SDK1: variants seen among roughly 807,000 people sequenced by gnomAD.
SDK1 encodes the protein protein sidekick-1.
SDK1 carries 157 observed loss-of-function variants against 245.5 expected under a neutral mutation model. The ratio of observed to expected loss-of-function variants is 0.64; its 90% CI spans 0.56 to 0.73. The LOEUF (loss-of-function observed/expected upper bound fraction) is 0.73, where lower values mean the gene tolerates loss of function less well. Ranked by LOEUF, SDK1 falls within the 30% of genes least tolerant of loss-of-function variation. SDK1 has a pLI of 0.00. For synonymous variants in SDK1, 1,647 were observed against 1,278.5 expected (o/e 1.29, Z -6.15); for missense variants, 3,583 against 3,002.3 (o/e 1.19, Z -4.52).
chr7:4,059,735 C>A (rs994241383), intron 19 of SDK1, among the ~76,000 whole-genome samples: 1 of 151,910 alleles, frequency 6.6e-6, no homozygotes, highest in South Asian at 2.1e-4. Flanking sequence ...AAAATTCGAT[C>A]GATATCTTCT....
At chr7:3,687,656 A>G (rs377252127) in intron 4 of SDK1, among the ~76,000 whole-genome samples, 6 of 152,312 alleles carry the variant, frequency 3.9e-5, no homozygotes, top group East Asian at 3.9e-4. Flanking sequence ...TTTATATGGC[A>G]TTGTGGGAAT....
intron 1 of SDK1, among the ~76,000 whole-genome samples, chr7:3,544,914 G>A (rs1290418208): frequency 6.6e-6 from 1 of 152,200 alleles, no homozygotes; most frequent in Non-Finnish European, 1.5e-5. Context: ...AGCTGTCAGA[G>A]GGAAGCAGTA....
At chr7:3,942,387 A>T (rs894486638) in intron 5 of SDK1, among the ~76,000 whole-genome samples, 2 of 152,232 alleles carry the variant, frequency 1.3e-5, no homozygotes, top group Admixed American at 6.5e-5. Context: ...CCAAGGCAGC[A>T]GCTTGAGAGG....
chr7:4,168,285 C>G (rs1350039623), intron 32 of SDK1, among the ~76,000 whole-genome samples: 3 of 152,234 alleles, frequency 2.0e-5, no homozygotes, highest in African/African-American at 7.2e-5. Context: ...TCAGTGATTT[C>G]TGGTGCAAAC....
chr7:3,582,678 TAAAGTA>T (rs1162522704), intron 1 of SDK1, among the ~76,000 whole-genome samples: 1 of 23,094 alleles, frequency 4.3e-5, no homozygotes, highest in Non-Finnish European at 7.5e-5. Context: ...GAACCTAAAC[TAAAGTA>T]AAAAAAAAAA....
At chr7:3,915,474 A>G (rs1779340098) in intron 5 of SDK1, among the ~76,000 whole-genome samples, 1 of 152,008 alleles carries the variant, frequency 6.6e-6, no homozygotes, top group Non-Finnish European at 1.5e-5. Context: ...ATGAGATCGG[A>G]TGGTTTTCTG....
At chr7:3,850,564 T>C (rs138192040) in intron 5 of SDK1, among the ~76,000 whole-genome samples, 2,567 of 152,286 alleles carry the variant, frequency 0.017, 64 homozygotes, top group African/African-American at 0.051. Flanking sequence ...ACACGTATGT[T>C]TATTGCAGCA....
At chr7:4,178,411 T>C (rs1364972766) in intron 34 of SDK1, 74 bp from the exon 35 acceptor site, 14 of 1,110,250 alleles carry the variant, frequency 1.3e-5, no homozygotes, top group African/African-American at 7.7e-5. Context: ...TTCATTGTGG[T>C]TCATAGGGGG....
intron 1 of SDK1, among the ~76,000 whole-genome samples, chr7:3,457,864 CA>C (rs1780719373): frequency 6.6e-6 from 1 of 152,176 alleles, no homozygotes; most frequent in Non-Finnish European, 1.5e-5. Context: ...TATTGGAGCA[CA>C]CCTTCTGGGA....
At chr7:3,743,535 C>T (rs147948632) in intron 4 of SDK1, among the ~76,000 whole-genome samples, 140 of 152,190 alleles carry the variant, frequency 9.2e-4, no homozygotes, top group African/African-American at 3.2e-3. Flanking sequence ...GCACTTATAC[C>T]CTCCAGACCT....
intron 4 of SDK1, among the ~76,000 whole-genome samples, chr7:3,665,665 T>G (rs1453236875): frequency 6.6e-6 from 1 of 152,154 alleles, no homozygotes. Flanking sequence ...AGAAGTAGTA[T>G]TTCGTGGTGA....
intron 1 of SDK1, among the ~76,000 whole-genome samples, chr7:3,570,424 C>G (rs141063055): frequency 1.3e-5 from 2 of 152,146 alleles, no homozygotes; most frequent in African/African-American, 4.8e-5. Context: ...TGCTCACCTC[C>G]TGCTGTGCAG....
chr7:3,778,338 C>T (rs1780625274), intron 4 of SDK1, among the ~76,000 whole-genome samples: 1 of 152,126 alleles, frequency 6.6e-6, no homozygotes, highest in African/African-American at 2.4e-5. Flanking sequence ...TAGAAAATGC[C>T]CTCATGGCTT....
At chr7:3,495,842 C>T (rs751462067) in intron 1 of SDK1, among the ~76,000 whole-genome samples, 23 of 152,306 alleles carry the variant, frequency 1.5e-4, no homozygotes, top group African/African-American at 4.3e-4. Context: ...TCCTACAAAA[C>T]GCTAGAGCCA....
At chr7:3,460,100 A>G (rs1780787997) in intron 1 of SDK1, among the ~76,000 whole-genome samples, 1 of 152,220 alleles carries the variant, frequency 6.6e-6, no homozygotes, top group Admixed American at 6.5e-5. Context: ...AATAAATGAC[A>G]TTATTATTTT....
At chr7:4,027,252 CTG>C (rs776161693) in intron 17 of SDK1, among the ~76,000 whole-genome samples, 4 of 152,314 alleles carry the variant, frequency 2.6e-5, no homozygotes, top group South Asian at 4.1e-4. Flanking sequence ...TGTAGAGAAA[CTG>C]AGATTTCACG....
intron 1 of SDK1, among the ~76,000 whole-genome samples, chr7:3,437,623 T>A (rs1780066809): frequency 6.6e-6 from 1 of 152,054 alleles, no homozygotes; most frequent in Non-Finnish European, 1.5e-5. Flanking sequence ...TAAAGTTAGC[T>A]GGATGTGATG....
At chr7:3,472,213 G>C (rs1429989934) in intron 1 of SDK1, among the ~76,000 whole-genome samples, 2 of 152,060 alleles carry the variant, frequency 1.3e-5, no homozygotes, top group African/African-American at 2.4e-5. Flanking sequence ...TTTTTTAGAT[G>C]TCCATAGAAT....
chr7:3,569,171 G>C (rs560974081), intron 1 of SDK1, among the ~76,000 whole-genome samples: 24 of 152,150 alleles, frequency 1.6e-4, no homozygotes, highest in African/African-American at 5.5e-4. Flanking sequence ...AGTGAAAAGA[G>C]TACAGAGAAT....
Sources: allele counts gnomAD v4.1 joint callset (sites outside exome capture counted in the v4.1 genomes callset), GRCh38; gene constraint gnomAD v4.1.1; transcripts MANE v1.5; gene names NCBI Gene and HGNC (gene_info 2026-07-23, HGNC 2026-07-21).